Variants in CCDC60 observed in about 807,000 individuals in gnomAD.
CCDC60 encodes the protein coiled-coil domain-containing protein 60.
In CCDC60, 54 loss-of-function variants were observed where a neutral mutation model predicts 63.5. The ratio of observed to expected loss-of-function variants is 0.85; its 90% CI spans 0.68 to 1.07. CCDC60 has a LOEUF of 1.07. Ranked by LOEUF, CCDC60 falls within the 50% of genes least tolerant of loss-of-function variation. The pLI, the probability that CCDC60 is intolerant of heterozygous loss-of-function variation, is 0.00. For synonymous variants in CCDC60, 206 were observed against 238.8 expected, an observed-to-expected ratio of 0.86 and a Z score of 1.27; for missense variants, 651 against 684.3, an observed-to-expected ratio of 0.95 and a Z score of 0.54.
At position 119,505,056 on chromosome 12, in the gene CCDC60, C is replaced by T; in HGVS notation, c.649-13C>T. 6.4e-7 allele frequency: 1 copy of T among 1,564,334 alleles called. No individual in the cohort carries two copies. ...CTCCTTCCTGAAACCTCTCTTTCTT[C>T]TCTTTCCTTTAGACCAAGAAATTCA... On this transcript the variant is annotated splice_polypyrimidine_tract_variant and intron_variant, in intron 6 of 13. Transcript: ENST00000327554.
chr12:119,354,181 C>T (rs934829189), intron 1 of CCDC60, among the ~76,000 whole-genome samples: 1 of 152,060 alleles, frequency 6.6e-6, no homozygotes, highest in Non-Finnish European at 1.5e-5. Flanking sequence ...TCTTCCTATG[C>T]TTCCTTTTAG....
intron 7 of CCDC60, among the ~76,000 whole-genome samples, chr12:119,507,247 G>A (rs1952029595): frequency 6.6e-6 from 1 of 151,780 alleles, no homozygotes; most frequent in Non-Finnish European, 1.5e-5. Context: ...CCACTGGGTG[G>A]TCAGGGTTCA....
At chr12:119,374,187 G>C (rs189558459) in intron 1 of CCDC60, among the ~76,000 whole-genome samples, 76 of 152,268 alleles carry the variant, frequency 5.0e-4, no homozygotes, top group African/African-American at 1.8e-3. Context: ...CTTTCATCTA[G>C]AGACTTAAGA....
chr12:119,529,231 T>C (rs1952771541), intron 12 of CCDC60, among the ~76,000 whole-genome samples: 1 of 152,172 alleles, frequency 6.6e-6, no homozygotes, highest in Admixed American at 6.5e-5. Context: ...ATTGAGTGAT[T>C]ACTGGATGGC....
intron 1 of CCDC60, among the ~76,000 whole-genome samples, chr12:119,390,888 T>C (rs1956145727): frequency 6.6e-6 from 1 of 152,206 alleles, no homozygotes; most frequent in Non-Finnish European, 1.5e-5. Context: ...TTTACAAAAG[T>C]TCTAAAAAGC....
chr12:119,360,595 A>G (rs1193311443), intron 1 of CCDC60, among the ~76,000 whole-genome samples: 2 of 142,812 alleles, frequency 1.4e-5, no homozygotes, highest in South Asian at 2.3e-4. Context: ...GGGCAGAGGC[A>G]CTCCTCACAT....
At chr12:119,475,634 G>A (rs1460415616) in intron 3 of CCDC60, among the ~76,000 whole-genome samples, 1 of 152,186 alleles carries the variant, frequency 6.6e-6, no homozygotes, top group Non-Finnish European at 1.5e-5. Context: ...CAGGGTAGTA[G>A]TGGTGAAGTA....
intron 1 of CCDC60, among the ~76,000 whole-genome samples, chr12:119,349,694 G>A (rs551732312): frequency 6.6e-6 from 1 of 152,032 alleles, no homozygotes; most frequent in African/African-American, 2.4e-5. Context: ...AGTTGACAAC[G>A]GACAGACATT....
At chr12:119,485,344 G>A (rs1951408945) in intron 4 of CCDC60, among the ~76,000 whole-genome samples, 1 of 152,218 alleles carries the variant, frequency 6.6e-6, no homozygotes, top group Non-Finnish European at 1.5e-5. Context: ...GTAGCACAAG[G>A]AACAGACAGG....
In CCDC60 at chr12:119,353,417, CTG is replaced by C. The variant is rs965705143; in HGVS notation, c.90+18154_90+18155del. 3.3e-5 allele frequency among the ~76,000 whole-genome samples: 5 copies of C among 152,034 alleles called. No individual in the cohort carries two copies. The South Asian group carries it at 6.3e-4, about 19-fold the overall frequency. On this transcript the variant is annotated intron_variant, in intron 1 of 13. Transcript: ENST00000327554. Reference sequence around the variant, plus strand: ...TTTTATTTCACCAAAGGTTTGGAAACTGTGCATTAAACAAATCTCTCAAAATC... The same window carrying C: ...TTTTATTTCACCAAAGGTTTGGAAACTGCATTAAACAAATCTCTCAAAATC...
chr12:119,514,033 A>C (rs1352401261), intron 7 of CCDC60, among the ~76,000 whole-genome samples: 1 of 152,196 alleles, frequency 6.6e-6, no homozygotes, highest in Non-Finnish European at 1.5e-5. Flanking sequence ...GGGAGATGAC[A>C]GCTCCATGTG....
rs182917402 is a variant in CCDC60 at position 119,530,957 on chromosome 12, T to C, written c.1445T>C (p.Phe482Ser). 3 of 1,614,170 alleles carry C rather than the reference T, an allele frequency of 1.9e-6. No individual in the cohort carries two copies. The highest frequency in any genetic ancestry group is 2.5e-6 in the Non-Finnish European group (3 of 1,180,010). ...AKKILVKLQKFGENLDLRIRP... is the reference protein window; with the variant it reads ...AKKILVKLQKSGENLDLRIRP... ...AAGATCCTGGTGAAACTGCAGAAGT[T>C]TGGAGAAAACCTGGACTTGCGGATT... The change falls in exon 13 of 14, where the codon TTT becomes TCT. Residue 482 changes from phenylalanine to serine, a missense_variant. By Grantham distance (155) the Phe-to-Ser change is radical. Transcript: ENST00000327554.
intron 2 of CCDC60, among the ~76,000 whole-genome samples, chr12:119,449,611 A>G (rs2050221413): frequency 6.6e-6 from 1 of 152,340 alleles, no homozygotes; most frequent in East Asian, 1.9e-4. Context: ...TACTCGTGCA[A>G]TAGATATTCT....
chr12:119,366,393 C>T lies in CCDC60; in HGVS notation c.90+31127C>T, dbSNP rs1270380220. ...AGGATTTGAGCCCAGCTCTGTCTGT[C>T]TTCAAAACTCATGTTTAGGAGACTC... On this transcript the variant is annotated intron_variant, in intron 1 of 13. Transcript: ENST00000327554. Among the ~76,000 whole-genome samples the T allele has an allele frequency of 6.6e-5, 10 of 152,196 alleles. 1 individual carries two copies. The East Asian group carries it at 1.9e-3, about 29-fold the overall frequency.
intron 7 of CCDC60, among the ~76,000 whole-genome samples, chr12:119,506,351 C>G (rs1362532051): frequency 1.3e-5 from 2 of 150,900 alleles, no homozygotes; most frequent in Admixed American, 6.6e-5. Flanking sequence ...GTCTGTAATC[C>G]CAGAACTTAG....
At chr12:119,342,711 C>A (rs1382730394) in intron 1 of CCDC60, among the ~76,000 whole-genome samples, 1 of 152,124 alleles carries the variant, frequency 6.6e-6, no homozygotes, top group Non-Finnish European at 1.5e-5. Flanking sequence ...AAGGATAGGC[C>A]AAGCATGGTT....
rs370439015 is a variant in CCDC60 at position 119,528,646 on chromosome 12, C to G, written c.1261C>G (p.Arg421Gly). Reference sequence around the variant, plus strand: ...AGAAGAGAGAGGTATCCAGAAGTTCCGTGCTTTTGTCCTTGTCTCAAATTT... The same window carrying G: ...AGAAGAGAGAGGTATCCAGAAGTTCGGTGCTTTTGTCCTTGTCTCAAATTT... ...RQEERGIQKF[R>G]AFVLVSNFQK... Residue 421 changes from arginine to glycine, a missense_variant, in exon 12 of 14, where the codon CGT becomes GGT. By Grantham distance (125) the Arg-to-Gly change is moderately radical. Coordinates refer to ENST00000327554, the MANE Select transcript of CCDC60 (RefSeq NM_178499.5). 8.7e-6 allele frequency: 14 copies of G among 1,613,900 alleles called. No individual in the cohort carries two copies. Among genetic ancestry groups the G allele is most frequent in the South Asian group, 7.7e-5 (7 of 91,024 alleles).
chr12:119,418,981 G>A (rs1467799719), intron 1 of CCDC60, among the ~76,000 whole-genome samples: 3 of 152,232 alleles, frequency 2.0e-5, no homozygotes, highest in Non-Finnish European at 4.4e-5. Flanking sequence ...TGTTGACACC[G>A]CCAGCATCCA....
In CCDC60 at chr12:119,410,783, C is replaced by T. The variant is rs1565994007; in HGVS notation, c.91-17900C>T. 1.3e-5 allele frequency among the ~76,000 whole-genome samples: 2 copies of T among 152,210 alleles called. No homozygotes were observed. Among genetic ancestry groups the T allele is most frequent in the African/African-American group, 4.8e-5 (2 of 41,448 alleles). On this transcript the variant is annotated intron_variant, in intron 1 of 13. Transcript: ENST00000327554. This position sits in a 1 kb window ranked among gnomAD's most constrained non-coding sequence, Gnocchi z 4.0. ...TTTGAGACAGAGTCTCGCTCTGTCA[C>T]TCGGGCTGCAGTGCGGTGGCGCGAT... is the stretch of plus-strand genomic sequence containing the variant.
Sources: allele counts gnomAD v4.1 joint callset (sites outside exome capture counted in the v4.1 genomes callset), GRCh38; gene constraint gnomAD v4.1.1; non-coding constraint Gnocchi (gnomAD v3.1); transcripts MANE v1.5; gene names NCBI Gene and HGNC (gene_info 2026-07-23, HGNC 2026-07-21).